Variants in MOB1B observed in about 807,000 individuals in gnomAD.
The protein encoded by MOB1B is MOB1 Mps One Binder homolog B.
A neutral mutation model predicts 24.4 loss-of-function variants in MOB1B; 19 were observed. The observed-to-expected ratio is 0.78, with a 90% CI of 0.54 to 1.14. The LOEUF is 1.14. MOB1B is among the 50% of genes most tolerant of loss of function. The pLI, the probability that MOB1B is intolerant of heterozygous loss-of-function variation, is 0.00. For synonymous variants in MOB1B, 76 were observed against 82.1 expected (o/e 0.93, Z 0.40); for missense variants, 243 against 259.6 (o/e 0.94, Z 0.44).
intron 1 of MOB1B, among the ~76,000 whole-genome samples, chr4:70,954,491 T>TTG: frequency 6.6e-6 from 1 of 152,364 alleles, no homozygotes; most frequent in East Asian, 1.9e-4. Flanking sequence ...AGTCTTGCTG[T>TTG]GTCACCCAGG....
chr4:70,928,981 C>T (rs1225655320), intron 1 of MOB1B, among the ~76,000 whole-genome samples: 1 of 152,094 alleles, frequency 6.6e-6, no homozygotes, highest in Admixed American at 6.5e-5. Flanking sequence ...CCAATGTGCC[C>T]TGTAAATTGT....
intron 1 of MOB1B, among the ~76,000 whole-genome samples, chr4:70,936,406 T>C (rs1021460215): frequency 1.3e-5 from 2 of 152,150 alleles, no homozygotes; most frequent in Non-Finnish European, 2.9e-5. Flanking sequence ...AGTAAAACTT[T>C]CAGCAAAACA....
intron 1 of MOB1B, among the ~76,000 whole-genome samples, chr4:70,917,029 A>G (rs566727768): frequency 1.8e-4 from 28 of 152,348 alleles, no homozygotes; most frequent in Non-Finnish European, 3.1e-4. Flanking sequence ...AGAATTTGCT[A>G]TAGAGTGTAT....
chr4:70,931,379 A>G (rs1560639743), intron 1 of MOB1B, among the ~76,000 whole-genome samples: 1 of 152,230 alleles, frequency 6.6e-6, no homozygotes, highest in Admixed American at 6.5e-5. Flanking sequence ...TACAAAACTT[A>G]TAATTTGGGC....
intron 1 of MOB1B, among the ~76,000 whole-genome samples, chr4:70,945,222 G>A (rs553301197): frequency 1.3e-5 from 2 of 152,296 alleles, no homozygotes; most frequent in South Asian, 2.1e-4. Context: ...CTTCCCCTTA[G>A]TTCAGTGCCC....
At chr4:70,965,944 T>C (rs1439969232) in intron 2 of MOB1B, among the ~76,000 whole-genome samples, 1 of 150,692 alleles carries the variant, frequency 6.6e-6, no homozygotes, top group African/African-American at 2.4e-5. Context: ...GAATAAAAAA[T>C]CTGAATAATC....
chr4:70,923,196 C>T (rs989911315), intron 1 of MOB1B, among the ~76,000 whole-genome samples: 7 of 152,108 alleles, frequency 4.6e-5, no homozygotes, highest in Non-Finnish European at 8.8e-5. Flanking sequence ...GGCCAAGCAG[C>T]GTTACAACTG....
chr4:70,972,126 T>G (rs1415116202), intron 3 of MOB1B, among the ~76,000 whole-genome samples: 1 of 152,168 alleles, frequency 6.6e-6, no homozygotes, highest in Admixed American at 6.5e-5. Context: ...GGAGAGGCAT[T>G]TGTTAATACT....
chr4:70,937,580 C>T (rs957282326), intron 1 of MOB1B, among the ~76,000 whole-genome samples: 2 of 150,558 alleles, frequency 1.3e-5, no homozygotes, highest in Non-Finnish European at 1.5e-5. Flanking sequence ...GGTGTGATCT[C>T]GGCTCACTGC....
At chr4:70,975,396 G>A (rs1212495916) in intron 4 of MOB1B, 110 bp downstream of exon 4, 1 of 1,506,716 alleles carries the variant, frequency 6.6e-7, no homozygotes, top group African/African-American at 1.4e-5. Context: ...TTATGGCTGT[G>A]TTGATATATG....
At chr4:70,949,187 G>A (rs764843882) in intron 1 of MOB1B, among the ~76,000 whole-genome samples, 7 of 152,100 alleles carry the variant, frequency 4.6e-5, no homozygotes, top group Non-Finnish European at 8.8e-5. Context: ...TCTGAACTGC[G>A]GATAGCAGAT....
At chr4:70,911,501 C>G (rs1735987633) in intron 1 of MOB1B, among the ~76,000 whole-genome samples, 1 of 151,822 alleles carries the variant, frequency 6.6e-6, no homozygotes, top group African/African-American at 2.4e-5. Context: ...GTCATCTTTT[C>G]AGAAAGAACT....
chr4:70,972,988 T>C (rs1225389882), intron 3 of MOB1B, among the ~76,000 whole-genome samples: 1 of 151,964 alleles, frequency 6.6e-6, no homozygotes, highest in Non-Finnish European at 1.5e-5. Flanking sequence ...TTAGCCAGGA[T>C]TGTCTTGATC....
intron 1 of MOB1B, among the ~76,000 whole-genome samples, chr4:70,934,777 C>T (rs1267566618): frequency 6.6e-6 from 1 of 151,914 alleles, no homozygotes; most frequent in Non-Finnish European, 1.5e-5. Flanking sequence ...TTTATTTTTC[C>T]TCTTATGCAT....
rs1739302294 is a variant in MOB1B at position 70,984,035 on chromosome 4, A to T, written c.*1978A>T. On this transcript the variant is annotated 3_prime_UTR_variant, in exon 6 of 6. Coordinates refer to ENST00000309395, the MANE Select transcript of MOB1B (RefSeq NM_173468.4). ...AGTCTTCCATATTGTATTTGACTTC[A>T]TATCAATCTAGTAAAAAAGGAGTTG... 1 of 152,594 alleles carries T rather than the reference A, an allele frequency of 6.6e-6. No homozygotes were observed. Among genetic ancestry groups the T allele is most frequent in the African/African-American group, 2.4e-5 (1 of 41,462 alleles). The allele number at this position is 152,594 out of a possible 1,614,324, so 9.5% of individuals were successfully genotyped here.
intron 2 of MOB1B, among the ~76,000 whole-genome samples, chr4:70,965,523 C>T (rs1018832272): frequency 3.3e-5 from 5 of 151,254 alleles, no homozygotes; most frequent in African/African-American, 9.7e-5. Flanking sequence ...AGAGGCCGGG[C>T]GCGGTGGCTC....
intron 2 of MOB1B, 44 bp downstream of exon 2, chr4:70,959,084 A>G (rs78491813): frequency 3.9e-6 from 6 of 1,538,162 alleles, no homozygotes; most frequent in African/African-American, 2.7e-5. Flanking sequence ...AATTAGGGTA[A>G]TAGCCTCATT....
chr4:70,921,786 C>T (rs1241841483), intron 1 of MOB1B, among the ~76,000 whole-genome samples: 1 of 152,046 alleles, frequency 6.6e-6, no homozygotes, highest in Non-Finnish European at 1.5e-5. Flanking sequence ...GGATTACAGG[C>T]GTGAGCCACC....
intron 1 of MOB1B, among the ~76,000 whole-genome samples, chr4:70,914,608 A>G (rs145232815): frequency 1.6e-4 from 24 of 152,344 alleles, no homozygotes; most frequent in African/African-American, 3.8e-4. Context: ...ATTTTTAGCT[A>G]TATCTATCTG....
Sources: gnomAD v4.1 joint callset for allele counts (sites outside exome capture counted in the v4.1 genomes callset) on GRCh38, gnomAD v4.1.1 for gene constraint, MANE v1.5 for transcripts, NCBI Gene and HGNC (gene_info 2026-07-23, HGNC 2026-07-21) for gene names.